ACOT7: variants seen among roughly 807,000 people sequenced by gnomAD.
ACOT7 encodes cytosolic acyl coenzyme A thioester hydrolase.
ACOT7 carries 12 observed loss-of-function variants against 40.2 expected under a neutral mutation model. That is an observed-to-expected ratio of 0.30 (90% CI 0.19 to 0.48). ACOT7 has a LOEUF of 0.48. Among genes scored for constraint, ACOT7 ranks in the 20% least tolerant of loss-of-function variants. ACOT7 has a pLI of 0.99. For missense variants in ACOT7, 395 were observed against 530.8 expected (o/e 0.74, Z 2.51); for synonymous variants, 228 against 219.5 (o/e 1.04, Z -0.34).
At chr1:6,281,390 G>C in intron 7 of ACOT7, 104 bp from the exon 8 acceptor site, 1 of 983,904 alleles carries the variant, frequency 1.0e-6, no homozygotes, top group Non-Finnish European at 1.6e-6. Context: ...GTTAGGGGAA[G>C]CAGTGGCTTG....
At position 6,281,187 on chromosome 1, in the gene ACOT7, T is replaced by A; in HGVS notation, c.929A>T (p.Gln310Leu). 6.2e-7 allele frequency: 1 copy of A among 1,614,136 alleles called. No homozygotes were observed. Among genetic ancestry groups the A allele is most frequent in the Non-Finnish European group, 8.5e-7 (1 of 1,180,034 alleles). Residue 310 changes from glutamine to leucine, a missense_variant, in exon 8 of 9, where the codon CAG becomes CTG. Physicochemically the swap from Gln to Leu is moderately radical, Grantham distance 113. Around this residue, in one of 2 missense-constraint regions of ACOT7, gnomAD observed 309 missense variants for 470.3 expected, o/e 0.66. Transcript: ENST00000361521. ...GGCACTGGCGGCCCGGTAGCGCTTC[T>A]GAGAGCTGTCCACAACAGGGTCGGC... ...VDADPVVDSS[Q>L]KRYRAASAFF...
chr1:6,382,693 G>A (rs1376892218), intron 1 of ACOT7, among the ~76,000 whole-genome samples: 1 of 151,478 alleles, frequency 6.6e-6, no homozygotes, highest in East Asian at 1.9e-4. Context: ...GCACATGCCT[G>A]TGGTCCCAGC....
chr1:6,339,525 CCG>C lies in ACOT7; in HGVS notation c.324_325del (p.Ile108MetfsTer2). 1 of 1,613,694 alleles carries C rather than the reference CCG, an allele frequency of 6.2e-7. No individual in the cohort carries two copies. The highest frequency in any genetic ancestry group is 8.5e-7 in the Non-Finnish European group (1 of 1,180,040). ...CTCCGCGCTGACATGCGCCACCTCACCGATGCACATGGGAGACAGGAAGTCGG... is the reference window on the plus strand; with the variant it reads ...CTCCGCGCTGACATGCGCCACCTCACATGCACATGGGAGACAGGAAGTCGG... On this transcript the variant is annotated frameshift_variant, in exon 3 of 9. Coordinates refer to ENST00000361521, the MANE Select transcript of ACOT7 (RefSeq NM_007274.4). LOFTEE classifies it high-confidence loss of function.
intron 1 of ACOT7, among the ~76,000 whole-genome samples, chr1:6,363,896 C>G (rs1490259404): frequency 6.6e-6 from 1 of 152,136 alleles, no homozygotes; most frequent in Non-Finnish European, 1.5e-5. Context: ...GAAAAGCCAC[C>G]GACCCTGTGG....
intron 2 of ACOT7, among the ~76,000 whole-genome samples, chr1:6,340,753 A>C (rs1641253580): frequency 6.6e-6 from 1 of 151,142 alleles, no homozygotes; most frequent in South Asian, 2.1e-4. Context: ...ATTCTTCTTT[A>C]GGCCGGGCGC....
Position 6,358,931 on chromosome 1 carries a change from T to C in ACOT7, c.144-9065A>G, listed in dbSNP as rs529332156. On this transcript the variant is annotated intron_variant, in intron 1 of 8. Transcript: ENST00000361521. This position sits in a 1 kb window ranked among gnomAD's most constrained non-coding sequence, Gnocchi z 4.1. ...AGAGTCCTTGCCTGACCCAGGACTG[T>C]CCCAGCTCCCTGCCACACCGGGCTT... is the stretch of plus-strand genomic sequence containing the variant. 1 of 1,560,688 alleles carries C rather than the reference T, an allele frequency of 6.4e-7. No individual in the cohort carries two copies. Among genetic ancestry groups the C allele is most frequent in the African/African-American group, 1.4e-5 (1 of 73,524 alleles).
intron 2 of ACOT7, among the ~76,000 whole-genome samples, chr1:6,344,176 C>A (rs996563254): frequency 1.3e-5 from 2 of 152,248 alleles, no homozygotes; most frequent in African/African-American, 2.4e-5. Flanking sequence ...GAGACATGGA[C>A]AAAGGTCCAA....
intron 6 of ACOT7, among the ~76,000 whole-genome samples, chr1:6,308,453 A>T (rs1175211597): frequency 6.6e-6 from 1 of 151,242 alleles, no homozygotes; most frequent in African/African-American, 2.4e-5. Flanking sequence ...GGGAACCACG[A>T]CCAGGTGGAG....
chr1:6,317,795 G>A (rs1376003343), intron 6 of ACOT7, among the ~76,000 whole-genome samples: 4 of 148,164 alleles, frequency 2.7e-5, no homozygotes, highest in African/African-American at 7.6e-5. Flanking sequence ...GCAGTGGCAC[G>A]ATCTCAGCTC....
intron 1 of ACOT7, among the ~76,000 whole-genome samples, chr1:6,366,552 AC>A (rs577439511): frequency 7.2e-4 from 109 of 150,886 alleles, no homozygotes; most frequent in African/African-American, 2.5e-3. Flanking sequence ...GCACCACTGC[AC>A]TCCAGCCCGG....
intron 1 of ACOT7, among the ~76,000 whole-genome samples, chr1:6,385,177 T>G (rs531176857): frequency 3.3e-5 from 5 of 151,952 alleles, no homozygotes; most frequent in South Asian, 4.2e-4. Context: ...CTGCCAGCTG[T>G]GAGCCAGCAC....
intron 2 of ACOT7, among the ~76,000 whole-genome samples, chr1:6,344,031 G>T (rs1414540265): frequency 6.6e-6 from 1 of 152,210 alleles, no homozygotes; most frequent in Non-Finnish European, 1.5e-5. Flanking sequence ...TCAGATGAGA[G>T]GCATCTGAGC....
In ACOT7 at chr1:6,289,261, G is replaced by A. The variant is rs35315732; in HGVS notation, c.829+5603C>T. Among the ~76,000 whole-genome samples, 12,070 of 152,028 alleles carry A rather than the reference G, an allele frequency of 0.079. 535 individuals are homozygous for A. The highest frequency in any genetic ancestry group is 0.11 in the Non-Finnish European group (7,309 of 67,980). On this transcript the variant is annotated intron_variant, in intron 7 of 8. Transcript: ENST00000361521. This position sits in a 1 kb window ranked among gnomAD's most constrained non-coding sequence, Gnocchi z 4.6. ...ATTACAGGCGCCTGCCCCCACGCCCGGCTAATTTTTGTATTTTTAGTAGAG... is the reference window on the plus strand; with the variant it reads ...ATTACAGGCGCCTGCCCCCACGCCCAGCTAATTTTTGTATTTTTAGTAGAG...
chr1:6,290,207 T>C (rs1175086161), intron 7 of ACOT7, among the ~76,000 whole-genome samples: 1 of 152,134 alleles, frequency 6.6e-6, no homozygotes, highest in East Asian at 1.9e-4. Flanking sequence ...CAGCTCCTGG[T>C]AGGATGCAGC....
intron 1 of ACOT7, chr1:6,360,444 G>T: frequency 1.5e-6 from 2 of 1,321,096 alleles, no homozygotes; most frequent in Non-Finnish European, 2.1e-6. Flanking sequence ...TGAGTAGCCG[G>T]CATCCCAGGG....
chr1:6,371,938 G>A (rs751592350), intron 1 of ACOT7, among the ~76,000 whole-genome samples: 3 of 151,904 alleles, frequency 2.0e-5, no homozygotes, highest in Non-Finnish European at 2.9e-5. Flanking sequence ...CCAGCTACTC[G>A]GGAGGCTGTG....
chr1:6,305,027 A>AC (rs1306997534), intron 6 of ACOT7, among the ~76,000 whole-genome samples: 89 of 115,200 alleles, frequency 7.7e-4, no homozygotes, highest in East Asian at 5.1e-3. Flanking sequence ...CGGGGCGCTG[A>AC]CCCCCCCGCC....
intron 1 of ACOT7, among the ~76,000 whole-genome samples, chr1:6,368,268 T>C (rs945979945): frequency 2.6e-5 from 4 of 152,160 alleles, no homozygotes; most frequent in Non-Finnish European, 5.9e-5. Context: ...TGTGCCAGCC[T>C]ATCCTCAGCC....
chr1:6,277,332 C>T (rs1019214509), intron 8 of ACOT7, among the ~76,000 whole-genome samples: 2 of 152,246 alleles, frequency 1.3e-5, no homozygotes, highest in African/African-American at 2.4e-5. Context: ...GGTGGGCAAA[C>T]ACCAACCACG....
Sources: gnomAD v4.1 joint callset for allele counts (sites outside exome capture counted in the v4.1 genomes callset) on GRCh38, gnomAD v4.1.1 for gene constraint, gnomAD v4.1.1 regional missense constraint, Gnocchi (gnomAD v3.1) non-coding constraint, MANE v1.5 for transcripts, NCBI Gene and HGNC (gene_info 2026-07-23, HGNC 2026-07-21) for gene names.